Variants in UCK2 observed in about 807,000 individuals in gnomAD.
UCK2 encodes cytidine monophosphokinase 2.
A neutral mutation model predicts 30.8 loss-of-function variants in UCK2; 6 were observed. The observed-to-expected ratio is 0.19, with a 90% confidence interval of 0.11 to 0.38. UCK2 has a LOEUF of 0.38. UCK2 is among the 10% of genes least tolerant of loss of function. UCK2 has a pLI of 1.00. For synonymous variants in UCK2, 125 were observed against 133.6 expected, an observed-to-expected ratio of 0.94 and a Z score of 0.45; for missense variants, 210 against 339.8, an observed-to-expected ratio of 0.62 and a Z score of 3.00.
intron 4 of UCK2, among the ~76,000 whole-genome samples, chr1:165,899,771 C>T (rs957275193): frequency 1.3e-5 from 2 of 152,170 alleles, no homozygotes; most frequent in Admixed American, 6.5e-5. Flanking sequence ...GTCCTTGGCG[C>T]GGCCCTGTTT....
intron 1 of UCK2, among the ~76,000 whole-genome samples, chr1:165,837,092 T>G (rs1159068007): frequency 6.6e-6 from 1 of 152,186 alleles, no homozygotes; most frequent in African/African-American, 2.4e-5. Context: ...CAGTTCATGA[T>G]GGTGGTGCCT....
chr1:165,885,303 T>G (rs1416201099), intron 1 of UCK2: 2 of 398,232 alleles, frequency 5.0e-6, no homozygotes, highest in East Asian at 3.6e-5. Flanking sequence ...AGCTCCAGTT[T>G]CCTCATTAGG....
chr1:165,903,432 C>T (rs1338761452), intron 5 of UCK2, among the ~76,000 whole-genome samples, 153 bp downstream of exon 5: 1 of 152,180 alleles, frequency 6.6e-6, no homozygotes, highest in Non-Finnish European at 1.5e-5. Flanking sequence ...GAGGGCAGCC[C>T]TTGGTCCTTG....
intron 1 of UCK2, among the ~76,000 whole-genome samples, chr1:165,859,712 A>G (rs531810060): frequency 1.2e-4 from 18 of 152,234 alleles, no homozygotes; most frequent in African/African-American, 4.3e-4. Flanking sequence ...CTGTGGTCCT[A>G]GCTACTGGGT....
chr1:165,895,378 G>A, intron 3 of UCK2: 1 of 680,968 alleles, frequency 1.5e-6, no homozygotes, highest in South Asian at 6.5e-5. Context: ...TTGCGCCGCT[G>A]CACTCCAGCC....
chr1:165,905,870 G>T lies in UCK2; in HGVS notation c.598-51G>T, dbSNP rs753127416. The stretch of plus-strand genomic sequence containing the variant: ...CATATTCCCTTGGAGAGGGTCTCGG[G>T]CCAGTTGTCTCTTAACTGTATTAAT... On this transcript the variant is annotated intron_variant, in intron 5 of 6. Transcript: ENST00000367879. 1.8e-5 allele frequency: 28 copies of T among 1,577,604 alleles called. No homozygotes were observed. In the Middle Eastern group the frequency reaches 5.1e-4, roughly 29 times the overall value.
intron 6 of UCK2, among the ~76,000 whole-genome samples, chr1:165,906,283 A>T (rs1192229647): frequency 6.6e-6 from 1 of 152,238 alleles, no homozygotes; most frequent in African/African-American, 2.4e-5. Flanking sequence ...ACCTTTTAGC[A>T]AAAGCAGATT....
chr1:165,869,659 C>T lies in UCK2; in HGVS notation c.100-20545C>T, dbSNP rs866634026. ...TATGAAAGAGAATCTCATCATGGGC[C>T]TTTTTTTTTTTTTTTTTTTTTTTAA... On this transcript the variant is annotated intron_variant, in intron 1 of 6. Transcript: ENST00000367879. Among the ~76,000 whole-genome samples, 317 of 74,002 alleles carry T rather than the reference C, an allele frequency of 4.3e-3. 2 individuals carry two copies. Among genetic ancestry groups the T allele is most frequent in the African/African-American group, 0.016 (308 of 19,390 alleles). The allele number at this position is 74,002 out of a possible 152,430, so 48.5% of individuals were successfully genotyped here.
chr1:165,895,911 T>C (rs948510135), intron 3 of UCK2: 25 of 310,504 alleles, frequency 8.1e-5, no homozygotes, highest in Middle Eastern at 9.5e-4. Context: ...CAGGTTTTTT[T>C]AATTCCAAGG....
chr1:165,890,686 G>T lies in UCK2; in HGVS notation c.259+323G>T. The T allele has an allele frequency of 2.5e-5, 8 of 314,022 alleles. No homozygotes were observed. In the South Asian group the frequency reaches 2.9e-4, roughly 11 times the overall value. 19.5% of individuals were successfully genotyped at this position (314,022 alleles called of 1,614,324 possible). A position where few individuals can be genotyped will look rare whatever the true frequency, so the allele number is the denominator to read the frequency against. ...GTCCTGCTGCCTCTGATCTGAGGCA[G>T]CCCTCGTCAGACCCTCCTCCTCAGG... On this transcript the variant is annotated intron_variant, in intron 2 of 6. Coordinates refer to ENST00000367879, the MANE Select transcript of UCK2 (RefSeq NM_012474.5).
At chr1:165,891,158 C>CT in intron 2 of UCK2, 68 bp from the exon 3 acceptor site, 1 of 1,376,310 alleles carries the variant, frequency 7.3e-7, no homozygotes, top group South Asian at 1.2e-5. Context: ...ATGAGGATGC[C>CT]TTGTGTATGA....
intron 1 of UCK2, among the ~76,000 whole-genome samples, chr1:165,832,013 C>A (rs141260856): frequency 0.012 from 1,903 of 152,272 alleles, 35 homozygotes; most frequent in African/African-American, 0.043. Context: ...AGGTGATCTG[C>A]CTGCCTTGGC....
chr1:165,877,158 A>G (rs1054085192), intron 1 of UCK2, among the ~76,000 whole-genome samples: 2 of 152,192 alleles, frequency 1.3e-5, no homozygotes, highest in Admixed American at 6.5e-5. Context: ...CCAATTAATT[A>G]TTAACACTGC....
intron 1 of UCK2, among the ~76,000 whole-genome samples, chr1:165,837,503 G>C (rs1189330479): frequency 1.3e-5 from 2 of 152,166 alleles, no homozygotes; most frequent in African/African-American, 4.8e-5. Context: ...CCTTCAGTAT[G>C]CTTACTGTCA....
intron 1 of UCK2, among the ~76,000 whole-genome samples, chr1:165,878,317 C>T (rs1655391232): frequency 6.7e-6 from 1 of 149,916 alleles, no homozygotes; most frequent in African/African-American, 2.5e-5. Flanking sequence ...CATGGCTTGC[C>T]AGCTCATTTC....
intron 1 of UCK2, among the ~76,000 whole-genome samples, chr1:165,844,280 A>T (rs115502664): frequency 1.3e-5 from 2 of 152,216 alleles, no homozygotes; most frequent in Non-Finnish European, 2.9e-5. Context: ...CGTAGTTGAC[A>T]TTCAGTGTGG....
chr1:165,840,432 A>G (rs562589019), intron 1 of UCK2, among the ~76,000 whole-genome samples: 11 of 152,302 alleles, frequency 7.2e-5, no homozygotes, highest in South Asian at 2.1e-4. Flanking sequence ...CAAGTATACA[A>G]TACATTGCCA....
chr1:165,866,739 C>CTT (rs1270458636), intron 1 of UCK2, among the ~76,000 whole-genome samples: 1 of 152,192 alleles, frequency 6.6e-6, no homozygotes, highest in African/African-American at 2.4e-5. Context: ...ATTCTAGGTA[C>CTT]TTTAGTTAAG....
chr1:165,830,329 TA>T (rs1463996513), intron 1 of UCK2, among the ~76,000 whole-genome samples: 10 of 84,848 alleles, frequency 1.2e-4, no homozygotes, highest in African/African-American at 3.6e-4. Context: ...TTTTTTTTAT[TA>T]TTTTTTTTTT....
Sources: allele counts gnomAD v4.1 joint callset (sites outside exome capture counted in the v4.1 genomes callset), GRCh38; gene constraint gnomAD v4.1.1; transcripts MANE v1.5; gene names NCBI Gene and HGNC (gene_info 2026-07-23, HGNC 2026-07-21).